Variants in BBS9 observed in about 807,000 individuals in gnomAD.
BBS9 encodes the protein Bardet-Biedl syndrome 9.
BBS9 carries 89 observed loss-of-function variants against 117.7 expected under a neutral mutation model. The ratio of observed to expected loss-of-function variants is 0.76; its 90% CI spans 0.64 to 0.90. The LOEUF (loss-of-function observed/expected upper bound fraction) is 0.90. BBS9 is among the 40% of genes least tolerant of loss of function. The pLI is 0.00. For synonymous variants in BBS9, 379 were observed against 370.9 expected, an observed-to-expected ratio of 1.02 and a Z score of -0.25; for missense variants, 982 against 1,042.2, an observed-to-expected ratio of 0.94 and a Z score of 0.80.
chr7:33,375,773 A>G (rs989925250), intron 17 of BBS9, among the ~76,000 whole-genome samples: 1 of 151,822 alleles, frequency 6.6e-6, no homozygotes, highest in East Asian at 1.9e-4. Flanking sequence ...TTTGTATATT[A>G]GTAAAGATGG....
intron 20 of BBS9, among the ~76,000 whole-genome samples, chr7:33,515,793 T>C (rs1003164678): frequency 2.6e-5 from 4 of 152,218 alleles, no homozygotes; most frequent in Non-Finnish European, 4.4e-5. Context: ...TATTTTCTTG[T>C]CTCACATCCT....
intron 17 of BBS9, 86 bp downstream of exon 17, chr7:33,367,948 C>A: frequency 3.8e-6 from 4 of 1,049,346 alleles, no homozygotes; most frequent in Non-Finnish European, 5.9e-6. Flanking sequence ...ATAATTCCTG[C>A]AAAGGGTGAT....
At chr7:33,625,763 C>T (rs186275802) in intron 21 of BBS9, among the ~76,000 whole-genome samples, 19 of 152,250 alleles carry the variant, frequency 1.2e-4, no homozygotes, top group Middle Eastern at 3.4e-3. Flanking sequence ...CATAAAGATA[C>T]GGTCATAAGA....
chr7:33,419,625 AT>A (rs1465640815), intron 19 of BBS9, among the ~76,000 whole-genome samples: 3 of 152,056 alleles, frequency 2.0e-5, no homozygotes, highest in Admixed American at 1.3e-4. Context: ...CTTTTTTTGT[AT>A]TTTTCAAACT....
intron 9 of BBS9, among the ~76,000 whole-genome samples, chr7:33,313,276 A>T (rs1809710987): frequency 6.6e-6 from 1 of 151,074 alleles, no homozygotes; most frequent in South Asian, 2.1e-4. Context: ...CTTGAGGGGA[A>T]TGACCAGTGT....
Position 33,502,941 on chromosome 7 carries a change from T to C in BBS9, c.2116-2522T>C, listed in dbSNP as rs928523945. On this transcript the variant is annotated intron_variant, in intron 19 of 22. Transcript: ENST00000242067. The stretch of plus-strand genomic sequence containing the variant: ...TAAAACCACTAAAATAAAAAGCTTT[T>C]TCTTTTCTTCAGTACTCTCTCTTTC... Among the ~76,000 whole-genome samples, 18 of 152,216 alleles carry C rather than the reference T, an allele frequency of 1.2e-4. 1 individual carries two copies. The highest frequency in any genetic ancestry group is 4.3e-4 in the African/African-American group (18 of 41,460).
At chr7:33,267,655 G>C (rs1799053586) in intron 7 of BBS9, among the ~76,000 whole-genome samples, 1 of 151,710 alleles carries the variant, frequency 6.6e-6, no homozygotes, top group African/African-American at 2.4e-5. Context: ...TCCAGTCTTT[G>C]TGCTATTGTC....
chr7:33,383,529 A>G (rs1427961937), intron 17 of BBS9, 137 bp from the exon 18 acceptor site: 2 of 782,040 alleles, frequency 2.6e-6, no homozygotes, highest in African/African-American at 1.8e-5. Context: ...AAGTATTTTT[A>G]TAAAGCCAGT....
At chr7:33,542,796 C>T (rs1463866680) in intron 21 of BBS9, among the ~76,000 whole-genome samples, 9 of 17,076 alleles carry the variant, frequency 5.3e-4, no homozygotes, top group African/African-American at 4.2e-3. Flanking sequence ...TATGTACACA[C>T]ACACACACAC....
intron 10 of BBS9, among the ~76,000 whole-genome samples, chr7:33,340,660 T>C (rs1263852902): frequency 2.0e-5 from 3 of 152,164 alleles, no homozygotes; most frequent in African/African-American, 7.2e-5. Context: ...CTAATGCTGG[T>C]CAGTCAATGG....
At chr7:33,146,203 A>T in intron 1 of BBS9, 39 bp from the exon 2 acceptor site, 1 of 1,345,554 alleles carries the variant, frequency 7.4e-7, no homozygotes, top group Non-Finnish European at 1.1e-6. Context: ...TTATTAGTTC[A>T]TAGTGTGAAG....
intron 5 of BBS9, among the ~76,000 whole-genome samples, chr7:33,241,717 A>C (rs1006781207): frequency 1.3e-5 from 2 of 151,998 alleles, no homozygotes; most frequent in African/African-American, 2.4e-5. Context: ...AACTGCTCTT[A>C]GAGTTTTGTT....
intron 19 of BBS9, chr7:33,390,093 C>G (rs1483318721): frequency 1.2e-5 from 3 of 253,740 alleles, no homozygotes; most frequent in African/African-American, 2.3e-5. Flanking sequence ...TTTTCTATTT[C>G]CTTCCTTCTT....
chr7:33,141,429 CA>C (rs1336058770), intron 1 of BBS9, among the ~76,000 whole-genome samples: 2 of 151,888 alleles, frequency 1.3e-5, no homozygotes, highest in Admixed American at 1.3e-4. Context: ...CCTCACTCCC[CA>C]AAAAAGCTCA....
At chr7:33,459,939 A>G (rs1839211054) in intron 19 of BBS9, among the ~76,000 whole-genome samples, 4 of 152,178 alleles carry the variant, frequency 2.6e-5, no homozygotes, top group African/African-American at 9.7e-5. Context: ...ATTGAAATTC[A>G]AAATGAATCT....
chr7:33,512,309 A>G (rs1356900966), intron 20 of BBS9, among the ~76,000 whole-genome samples: 1 of 152,232 alleles, frequency 6.6e-6, no homozygotes, highest in African/African-American at 2.4e-5. Context: ...GTAGAATACA[A>G]TGCACAAGTT....
chr7:33,353,475 T>G lies in BBS9; in HGVS notation c.1552+602T>G, dbSNP rs181030205. Among the ~76,000 whole-genome samples the G allele has an allele frequency of 2.0e-5, 3 of 152,266 alleles. No individual in the cohort carries two copies. In the East Asian group the frequency reaches 5.8e-4, roughly 29 times the overall value. ...ATTCTGATCACAATATGAACTTAATTAAGTTTGTTCCTTAGGTTCTCCTTT... is the reference window on the plus strand; with the variant it reads ...ATTCTGATCACAATATGAACTTAATGAAGTTTGTTCCTTAGGTTCTCCTTT... On this transcript the variant is annotated intron_variant, in intron 15 of 22. Transcript: ENST00000242067.
intron 9 of BBS9, among the ~76,000 whole-genome samples, chr7:33,311,608 G>A (rs1809234093): frequency 1.3e-5 from 2 of 152,150 alleles, no homozygotes; most frequent in East Asian, 3.9e-4. Context: ...CTTGAGGTCA[G>A]GAGTTCGAGA....
chr7:33,284,690 C>T (rs1047291700), intron 9 of BBS9, among the ~76,000 whole-genome samples: 10 of 152,112 alleles, frequency 6.6e-5, no homozygotes, highest in Non-Finnish European at 1.2e-4. Context: ...ATTTTCTGTT[C>T]CCAATATCTG....
Sources: gnomAD v4.1 joint callset for allele counts (sites outside exome capture counted in the v4.1 genomes callset) on GRCh38, gnomAD v4.1.1 for gene constraint, MANE v1.5 for transcripts, NCBI Gene and HGNC (gene_info 2026-07-23, HGNC 2026-07-21) for gene names.